EDAR: variants seen among roughly 807,000 people sequenced by gnomAD.
EDAR encodes the protein tumor necrosis factor receptor superfamily member EDAR.
In EDAR, 38 loss-of-function variants were observed where a neutral mutation model predicts 51.3. That is an observed-to-expected ratio of 0.74 (90% CI 0.57 to 0.97). The LOEUF (loss-of-function observed/expected upper bound fraction) is 0.97. EDAR is among the 50% of genes least tolerant of loss of function. EDAR has a pLI of 0.00. For synonymous variants in EDAR, 227 were observed against 242.1 expected, an observed-to-expected ratio of 0.94 and a Z score of 0.58; for missense variants, 528 against 595.0, an observed-to-expected ratio of 0.89 and a Z score of 1.17.
intron 1 of EDAR, among the ~76,000 whole-genome samples, chr2:108,941,065 G>A (rs534883759): frequency 7.9e-5 from 12 of 152,118 alleles, no homozygotes; most frequent in Non-Finnish European, 1.5e-4. Context: ...AATTTAAACC[G>A]ATTTTGCCTG....
At chr2:108,978,924 C>A (rs976420111) in intron 1 of EDAR, among the ~76,000 whole-genome samples, 1 of 152,176 alleles carries the variant, frequency 6.6e-6, no homozygotes, top group African/African-American at 2.4e-5. Context: ...CAACGAAGAC[C>A]ATTTGAAAGC....
At chr2:108,967,523 G>A (rs1271108918) in intron 1 of EDAR, among the ~76,000 whole-genome samples, 2 of 152,040 alleles carry the variant, frequency 1.3e-5, no homozygotes, top group Non-Finnish European at 2.9e-5. Context: ...TATCAAAGAG[G>A]TTTACAACAG....
At chr2:108,955,647 A>G (rs895049234) in intron 1 of EDAR, among the ~76,000 whole-genome samples, 1 of 151,600 alleles carries the variant, frequency 6.6e-6, no homozygotes, top group Non-Finnish European at 1.5e-5. Context: ...CGGAGGTTGC[A>G]GTGAGCCGAG....
At chr2:108,913,392 A>G (rs1696967079) in intron 5 of EDAR, among the ~76,000 whole-genome samples, 1 of 152,208 alleles carries the variant, frequency 6.6e-6, no homozygotes, top group Non-Finnish European at 1.5e-5. Context: ...AATAAGCAAC[A>G]TAGAGTGTGT....
intron 1 of EDAR, among the ~76,000 whole-genome samples, chr2:108,968,739 G>A (rs1219344572): frequency 6.6e-6 from 1 of 152,188 alleles, no homozygotes; most frequent in Non-Finnish European, 1.5e-5. Context: ...GATACAAAAA[G>A]CCATCGAACA....
At chr2:108,964,850 T>C (rs1424017822) in intron 1 of EDAR, among the ~76,000 whole-genome samples, 1 of 152,164 alleles carries the variant, frequency 6.6e-6, no homozygotes, top group Non-Finnish European at 1.5e-5. Flanking sequence ...TGTTTGGAAA[T>C]AATTCCACAA....
intron 5 of EDAR, among the ~76,000 whole-genome samples, chr2:108,918,193 G>A (rs1464127428): frequency 6.6e-6 from 1 of 152,204 alleles, no homozygotes; most frequent in Non-Finnish European, 1.5e-5. Flanking sequence ...GGTGGGGCGC[G>A]AGCCCTGGTG....
chr2:108,979,874 C>T (rs941853255), intron 1 of EDAR, among the ~76,000 whole-genome samples: 1 of 152,104 alleles, frequency 6.6e-6, no homozygotes, highest in Non-Finnish European at 1.5e-5. Context: ...GGGCAGCACA[C>T]GGGTAGGGGG....
chr2:108,896,901 T>C lies in EDAR; in HGVS notation c.*6A>G. On this transcript the variant is annotated 3_prime_UTR_variant, in exon 12 of 12. Coordinates refer to ENST00000258443, the MANE Select transcript of EDAR (RefSeq NM_022336.4). ...GTCCTGGGAGGACAGCCCACAGGCA[T>C]GCTTTTCAGGATGCAGCATGTGGCT... 1 of 1,609,790 alleles carries C rather than the reference T, an allele frequency of 6.2e-7. No homozygotes were observed. The highest frequency in any genetic ancestry group is 8.5e-7 in the Non-Finnish European group (1 of 1,178,204).
intron 1 of EDAR, among the ~76,000 whole-genome samples, chr2:108,953,296 G>A (rs987119583): frequency 8.6e-5 from 13 of 152,044 alleles, no homozygotes; most frequent in Non-Finnish European, 1.5e-4. Context: ...AGCTTGTGCC[G>A]AGTCTTGGCC....
At chr2:108,933,420 C>T (rs531335498) in intron 1 of EDAR, among the ~76,000 whole-genome samples, 11 of 152,232 alleles carry the variant, frequency 7.2e-5, no homozygotes, top group Middle Eastern at 3.4e-3. Context: ...AAGGGGGTCC[C>T]AGGGGAGATC....
intron 11 of EDAR, among the ~76,000 whole-genome samples, chr2:108,905,817 G>T (rs1202343031): frequency 2.0e-5 from 3 of 151,718 alleles, no homozygotes; most frequent in African/African-American, 7.3e-5. Flanking sequence ...TCAAGCCCAG[G>T]TTATGGGGAG....
chr2:108,945,960 C>A (rs1405386553), intron 1 of EDAR, among the ~76,000 whole-genome samples: 1 of 152,174 alleles, frequency 6.6e-6, no homozygotes, highest in Non-Finnish European at 1.5e-5. Flanking sequence ...GACCCTTCCT[C>A]AAAATAAAAG....
At chr2:108,978,749 G>T (rs1020576867) in intron 1 of EDAR, among the ~76,000 whole-genome samples, 1 of 152,216 alleles carries the variant, frequency 6.6e-6, no homozygotes, top group Non-Finnish European at 1.5e-5. Flanking sequence ...GCAGGTTTTG[G>T]TATGGAGACA....
intron 1 of EDAR, among the ~76,000 whole-genome samples, chr2:108,976,937 G>A (rs185377025): frequency 6.6e-6 from 1 of 152,110 alleles, no homozygotes; most frequent in Non-Finnish European, 1.5e-5. Flanking sequence ...CCTTTCACTG[G>A]AGATTGGCAT....
chr2:108,978,379 G>A (rs1698364195), intron 1 of EDAR, among the ~76,000 whole-genome samples: 1 of 152,150 alleles, frequency 6.6e-6, no homozygotes, highest in South Asian at 2.1e-4. Flanking sequence ...AGTACAAAAA[G>A]CTCAGTAAAA....
At chr2:108,898,909 C>G (rs896775914) in intron 11 of EDAR, among the ~76,000 whole-genome samples, 11 of 152,240 alleles carry the variant, frequency 7.2e-5, no homozygotes, top group African/African-American at 2.4e-4. Flanking sequence ...CTGAAAAACA[C>G]AGAGCCTTAG....
chr2:108,895,765 A>C lies in EDAR; in HGVS notation c.*1142T>G, dbSNP rs1159000828. The C allele has an allele frequency of 6.6e-6, 1 of 152,236 alleles. No homozygotes were observed. Among genetic ancestry groups the C allele is most frequent in the Admixed American group, 6.5e-5 (1 of 15,286 alleles). The allele number at this position is 152,236 out of a possible 1,614,324, so 9.4% of individuals were successfully genotyped here. On this transcript the variant is annotated 3_prime_UTR_variant, in exon 12 of 12. Coordinates refer to ENST00000258443, the MANE Select transcript of EDAR (RefSeq NM_022336.4). ...GCCCAAGGTGGCACAACTAGAAGCC[A>C]GCTCCCTCGACATCAAGCCCAGGCT...
At chr2:108,969,283 CT>C (rs1183361509) in intron 1 of EDAR, among the ~76,000 whole-genome samples, 1 of 152,094 alleles carries the variant, frequency 6.6e-6, no homozygotes, top group African/African-American at 2.4e-5. Context: ...TAGATATGCA[CT>C]TTGATTCTGT....
Sources: gnomAD v4.1 joint callset for allele counts (sites outside exome capture counted in the v4.1 genomes callset) on GRCh38, gnomAD v4.1.1 for gene constraint, MANE v1.5 for transcripts, NCBI Gene and HGNC (gene_info 2026-07-23, HGNC 2026-07-21) for gene names.